The following DPP6 variants were observed in gnomAD, a reference collection of about 807,000 sequenced individuals.
DPP6 encodes the protein A-type potassium channel modulatory protein DPP6.
A neutral mutation model predicts 122.6 loss-of-function variants in DPP6; 69 were observed. The observed-to-expected ratio is 0.56, with a 90% CI of 0.46 to 0.69. DPP6 has a LOEUF of 0.69. DPP6 is among the 30% of genes least tolerant of loss of function. The pLI is 0.00. For missense variants in DPP6, 928 were observed against 1,116.9 expected, an observed-to-expected ratio of 0.83 and a Z score of 2.41; for synonymous variants, 418 against 433.1, an observed-to-expected ratio of 0.97 and a Z score of 0.43.
chr7:153,983,245 C>T (rs1157619565), intron 1 of DPP6, among the ~76,000 whole-genome samples: 1 of 152,248 alleles, frequency 6.6e-6, no homozygotes, highest in Non-Finnish European at 1.5e-5. Flanking sequence ...ATGCCCTGCC[C>T]AGAGAGAAGG....
At chr7:154,156,489 A>G (rs1165314819) in intron 1 of DPP6, among the ~76,000 whole-genome samples, 1 of 152,228 alleles carries the variant, frequency 6.6e-6, no homozygotes, top group Non-Finnish European at 1.5e-5. Context: ...TAGAGGGACC[A>G]TTAAGTAAGT....
chr7:153,791,793 A>T, the DPP6 span, among the ~76,000 whole-genome samples: 5 of 148,428 alleles, frequency 3.4e-5, no homozygotes, highest in South Asian at 1.0e-3. Flanking sequence ...TTAGTCCTAT[A>T]ATATAACTGA....
chr7:154,505,395 C>T (rs1203327158), intron 3 of DPP6, among the ~76,000 whole-genome samples: 3 of 152,082 alleles, frequency 2.0e-5, no homozygotes, highest in Non-Finnish European at 4.4e-5. Flanking sequence ...TGATATAATG[C>T]ATCACTGTTA....
intron 1 of DPP6, among the ~76,000 whole-genome samples, chr7:154,334,390 A>T (rs1329400472): frequency 2.0e-5 from 3 of 152,220 alleles, no homozygotes; most frequent in African/African-American, 7.2e-5. Flanking sequence ...CTCCCCTCTT[A>T]TCAGTTGTGA....
chr7:154,787,327 A>T (rs578191995), intron 10 of DPP6, among the ~76,000 whole-genome samples: 2 of 152,260 alleles, frequency 1.3e-5, no homozygotes, highest in South Asian at 2.1e-4. Flanking sequence ...GGTTTTTTTA[A>T]AAAAATGATT....
chr7:154,360,750 T>G lies in DPP6; in HGVS notation c.244-85464T>G, dbSNP rs183995575. Among the ~76,000 whole-genome samples, 515 of 152,312 alleles carry G rather than the reference T, an allele frequency of 3.4e-3. 1 individual carries two copies. The highest frequency in any genetic ancestry group is 5.2e-3 in the Non-Finnish European group (352 of 68,024). On this transcript the variant is annotated intron_variant, in intron 1 of 25. Coordinates refer to ENST00000377770, the MANE Select transcript of DPP6 (RefSeq NM_130797.4). ...GAAAAATTCAATTATATGAGATAAATAAGTACAGAGTTAGTATGGGGCTTC... is the reference window on the plus strand; with the variant it reads ...GAAAAATTCAATTATATGAGATAAAGAAGTACAGAGTTAGTATGGGGCTTC...
the DPP6 span, among the ~76,000 whole-genome samples, chr7:153,754,275 A>G: frequency 6.6e-6 from 1 of 152,036 alleles, no homozygotes; most frequent in Non-Finnish European, 1.5e-5. Context: ...TCCCACCTAC[A>G]TTTTTACTTT....
intron 1 of DPP6, chr7:154,059,232 C>G: frequency 6.7e-6 from 1 of 149,486 alleles, no homozygotes; most frequent in East Asian, 2.0e-4. Flanking sequence ...GAGAGCCTGC[C>G]CCTGTTCCCC....
At chr7:154,250,488 G>T (rs1380028363) in intron 1 of DPP6, among the ~76,000 whole-genome samples, 1 of 151,896 alleles carries the variant, frequency 6.6e-6, no homozygotes, top group African/African-American at 2.4e-5. Flanking sequence ...AGGCACGGTT[G>T]GCTTCATTTT....
chr7:154,287,398 C>T (rs554591182), intron 1 of DPP6, among the ~76,000 whole-genome samples: 13 of 152,270 alleles, frequency 8.5e-5, no homozygotes, highest in East Asian at 5.8e-4. Context: ...GGCAGGTTGC[C>T]GGGGTTTGGA....
intron 2 of DPP6, among the ~76,000 whole-genome samples, chr7:154,466,253 T>A (rs1821771439): frequency 6.6e-6 from 1 of 152,104 alleles, no homozygotes; most frequent in Admixed American, 6.5e-5. Context: ...ATATCTAATG[T>A]AGATGATGGG....
In DPP6 at chr7:154,821,307, C is replaced by T. The variant is rs1799742531; in HGVS notation, c.1666+14195C>T. Among the ~76,000 whole-genome samples, 1 of 152,048 alleles carries T rather than the reference C, an allele frequency of 6.6e-6. No individual in the cohort carries two copies. The highest frequency in any genetic ancestry group is 2.1e-4 in the South Asian group (1 of 4,818). ...TCTTTTTACATTGTTCTGATAGCCT[C>T]ACTTACTCATTTTAAGCTTATTTTA... is the stretch of plus-strand genomic sequence containing the variant. On this transcript the variant is annotated intron_variant, in intron 16 of 25. Coordinates refer to ENST00000377770, the MANE Select transcript of DPP6 (RefSeq NM_130797.4). This position sits in a 1 kb window ranked among gnomAD's most constrained non-coding sequence, Gnocchi z 4.2.
chr7:153,966,423 T>C (rs1301659233), intron 1 of DPP6, among the ~76,000 whole-genome samples: 1 of 147,828 alleles, frequency 6.8e-6, no homozygotes, highest in Non-Finnish European at 1.5e-5. Context: ...GAGAGAAGGG[T>C]CTTCATTCCC....
chr7:154,165,725 T>A (rs1434929628), intron 1 of DPP6, among the ~76,000 whole-genome samples: 2 of 152,164 alleles, frequency 1.3e-5, no homozygotes, highest in Non-Finnish European at 2.9e-5. Flanking sequence ...GGTATCTCAT[T>A]GTGGTTTTGA....
At chr7:154,442,703 G>T (rs931631780) in intron 1 of DPP6, among the ~76,000 whole-genome samples, 4 of 152,142 alleles carry the variant, frequency 2.6e-5, no homozygotes, top group Non-Finnish European at 5.9e-5. Flanking sequence ...GCCCCAGAGA[G>T]GGCTTTACAT....
chr7:154,157,802 A>G lies in DPP6; in HGVS notation c.243+104739A>G, dbSNP rs560485850. ...TGCAAAATTAGCTGGGCGTGGTGGC[A>G]CATGCCTGTAATCCCAACTACTCAG... On this transcript the variant is annotated intron_variant, in intron 1 of 25. Coordinates refer to ENST00000377770, the MANE Select transcript of DPP6 (RefSeq NM_130797.4). Among the ~76,000 whole-genome samples the G allele has an allele frequency of 6.6e-5, 10 of 152,034 alleles. No homozygotes were observed. In the South Asian group the frequency reaches 1.9e-3, roughly 28 times the overall value.
chr7:153,845,865 C>T, the DPP6 span, among the ~76,000 whole-genome samples: 1 of 152,058 alleles, frequency 6.6e-6, no homozygotes, highest in Non-Finnish European at 1.5e-5. Flanking sequence ...TCTCTTTGCC[C>T]TAAATATATT....
intron 5 of DPP6, among the ~76,000 whole-genome samples, chr7:154,636,377 A>G (rs1422813967): frequency 6.6e-6 from 1 of 152,210 alleles, no homozygotes; most frequent in Non-Finnish European, 1.5e-5. Context: ...AGCCAGCACC[A>G]GGCCCTTCCT....
At chr7:153,847,480 T>C in the DPP6 span, among the ~76,000 whole-genome samples, 19 of 152,252 alleles carry the variant, frequency 1.2e-4, no homozygotes, top group African/African-American at 4.6e-4. Context: ...TTGTATTGTA[T>C]GCTATACTTT....
Sources: allele counts gnomAD v4.1 joint callset (sites outside exome capture counted in the v4.1 genomes callset), GRCh38; gene constraint gnomAD v4.1.1; non-coding constraint Gnocchi (gnomAD v3.1); transcripts MANE v1.5; gene names NCBI Gene and HGNC (gene_info 2026-07-23, HGNC 2026-07-21).